AKNAD1: variants seen among roughly 807,000 people sequenced by gnomAD.
The protein encoded by AKNAD1 is AKNA domain containing 1.
Under a neutral mutation model 90.8 loss-of-function variants are expected in AKNAD1, and 67 were observed. The observed-to-expected ratio is 0.74, with a 90% CI of 0.61 to 0.90. The LOEUF (loss-of-function observed/expected upper bound fraction) is 0.90, where lower values mean the gene tolerates loss of function less well. Among genes scored for constraint, AKNAD1 ranks in the 40% least tolerant of loss-of-function variants. The pLI is 0.00. For missense variants in AKNAD1, 957 were observed against 975.4 expected, an observed-to-expected ratio of 0.98 and a Z score of 0.25; for synonymous variants, 327 against 341.4, an observed-to-expected ratio of 0.96 and a Z score of 0.46.
chr1:108,817,211 A>G, intron 14 of AKNAD1, 34 bp from the exon 15 acceptor site: 1 of 1,612,446 alleles, frequency 6.2e-7, no homozygotes, highest in Non-Finnish European at 8.5e-7. Context: ...ACTTGTGTCA[A>G]GCGCCACCCT....
At chr1:108,816,962 A>G in intron 15 of AKNAD1, 86 bp downstream of exon 15, 1 of 1,505,838 alleles carries the variant, frequency 6.6e-7, no homozygotes, top group East Asian at 2.3e-5. Context: ...CTGATACTGT[A>G]ATAACTTAAG....
intron 1 of AKNAD1, among the ~76,000 whole-genome samples, chr1:108,853,423 G>T (rs903976378): frequency 2.6e-5 from 4 of 150,970 alleles, no homozygotes; most frequent in African/African-American, 9.7e-5. Flanking sequence ...GAGCCACCGC[G>T]CCCGGCCTGA....
chr1:108,839,217 A>G (rs1664463744), intron 6 of AKNAD1, among the ~76,000 whole-genome samples: 2 of 152,172 alleles, frequency 1.3e-5, no homozygotes, highest in South Asian at 4.1e-4. Context: ...CCGGCGCGGT[A>G]GTTCACGCCT....
chr1:108,817,057 T>C lies in AKNAD1; in HGVS notation c.2370A>G (p.Ile790Met), dbSNP rs753254641. The change falls in exon 15 of 16, where the codon ATA (isoleucine) becomes ATG (methionine). Residue 790 changes from isoleucine to methionine, a missense_variant. Ile to Met is a conservative substitution (Grantham distance 10). Transcript: ENST00000370001. ...TTTTCTAAGTCCTCACCTCAGATTTTATTTCTTCAGTGCTATCAAAGTCAC... is the reference window on the plus strand; with the variant it reads ...TTTTCTAAGTCCTCACCTCAGATTTCATTTCTTCAGTGCTATCAAAGTCAC... ...SLCDFDSTEEIKSEILNSALD... is the reference protein window; with the variant it reads ...SLCDFDSTEEMKSEILNSALD... 17 of 1,614,070 alleles carry C rather than the reference T, an allele frequency of 1.1e-5. No individual in the cohort carries two copies. The highest frequency in any genetic ancestry group is 6.7e-5 in the East Asian group (3 of 44,888).
intron 6 of AKNAD1, among the ~76,000 whole-genome samples, chr1:108,839,973 A>G (rs1395493637): frequency 6.6e-6 from 1 of 151,970 alleles, no homozygotes; most frequent in Non-Finnish European, 1.5e-5. Context: ...GCAATGAGCT[A>G]TGATTGTGCC....
chr1:108,851,044 G>A (rs138144826), intron 2 of AKNAD1, among the ~76,000 whole-genome samples: 23 of 152,174 alleles, frequency 1.5e-4, no homozygotes, highest in Non-Finnish European at 2.6e-4. Context: ...AGGGCATAAC[G>A]TACGTTAAGA....
Position 108,830,591 on chromosome 1 carries a change from C to T in AKNAD1, c.1806G>A (p.Pro602=), listed in dbSNP as rs773977078. ...GGAGCCTGCGACAGAAGGCACAGCT[C>T]GGACTGGGTGCCGTCATCTCTGCAC... is the stretch of plus-strand genomic sequence containing the variant. ...QDCAEMTAPS[P]SCAFCRRLLE... The change falls in exon 10 of 16, where the codon CCG becomes CCA. Residue 602 remains proline, a synonymous_variant. Transcript: ENST00000370001. The T allele has an allele frequency of 1.3e-5, 21 of 1,613,994 alleles. No homozygotes were observed. In the South Asian group the frequency reaches 1.9e-4, roughly 14 times the overall value.
intron 6 of AKNAD1, 71 bp downstream of exon 6, chr1:108,843,063 C>A (rs1184916612): frequency 1.9e-6 from 3 of 1,565,086 alleles, no homozygotes; most frequent in East Asian, 4.5e-5. Context: ...AAGCCAGCAG[C>A]CACATCAGAA....
At position 108,834,475 on chromosome 1, in the gene AKNAD1, A is replaced by T; in HGVS notation, c.1718T>A (p.Val573Glu). The T allele has an allele frequency of 6.2e-7, 1 of 1,611,066 alleles. No homozygotes were observed. ...AGAGTTAGAAGACAGCCTCATGGCC[A>T]CTTGGTCTGGCTTGTTCTGGGCAGC... is the stretch of plus-strand genomic sequence containing the variant. ...DAAAQNKPDQ[V>E]AMRLSSNSGE... is the part of the protein sequence containing the mutation. The change falls in exon 9 of 16, where the codon GTG (valine) becomes GAG (glutamate). Residue 573 changes from valine to glutamate, a missense_variant. Transcript: ENST00000370001.
chr1:108,852,308 T>C lies in AKNAD1; in HGVS notation c.357A>G (p.Lys119=). 6.2e-7 allele frequency: 1 copy of C among 1,614,200 alleles called. No individual in the cohort carries two copies. Among genetic ancestry groups the C allele is most frequent in the Non-Finnish European group, 8.5e-7 (1 of 1,180,044 alleles). ...TGCCTTGACCTCTTAAGAATGGCTC[T>C]TTGGAAAGATGATGAAGTAAAATAT... ...ISDILLHHLS[K]EPFLRGQGID... is the part of the protein sequence containing the mutation. The change falls in exon 2 of 16, where the codon AAA becomes AAG. Residue 119 remains lysine (K), a synonymous_variant. Transcript: ENST00000370001.
intron 15 of AKNAD1, chr1:108,816,837 G>T: frequency 2.0e-6 from 1 of 501,924 alleles, no homozygotes; most frequent in Non-Finnish European, 3.4e-6. Flanking sequence ...CTTTCTCCAG[G>T]AAATTTCCCT....
intron 6 of AKNAD1, among the ~76,000 whole-genome samples, chr1:108,842,073 G>A (rs1664571202): frequency 6.6e-6 from 1 of 152,046 alleles, no homozygotes; most frequent in Admixed American, 6.6e-5. Flanking sequence ...AATAGCAGAA[G>A]CATGCAGAGT....
At chr1:108,834,329 A>T (rs1664305716) in intron 9 of AKNAD1, 118 bp downstream of exon 9, 1 of 812,364 alleles carries the variant, frequency 1.2e-6, no homozygotes, top group Non-Finnish European at 1.9e-6. Context: ...GGATGCCATT[A>T]GGAAGAGGTA....
intron 6 of AKNAD1, among the ~76,000 whole-genome samples, chr1:108,840,432 A>G (rs1439095499): frequency 6.6e-6 from 1 of 152,236 alleles, no homozygotes; most frequent in African/African-American, 2.4e-5. Flanking sequence ...ACTTACTACA[A>G]AGATTTCAGT....
Position 108,851,939 on chromosome 1 carries a change from A to C in AKNAD1, c.726T>G (p.Asn242Lys), listed in dbSNP as rs916621257. 6 of 1,614,014 alleles carry C rather than the reference A, an allele frequency of 3.7e-6. No individual in the cohort carries two copies. Among genetic ancestry groups the C allele is most frequent in the African/African-American group, 2.7e-5 (2 of 74,898 alleles). ...GGCCGTATTTGAACGTGTTGCCTGAATTTGCTTTTTCAGTCTGCTGTTTCT... is the reference window on the plus strand; with the variant it reads ...GGCCGTATTTGAACGTGTTGCCTGACTTTGCTTTTTCAGTCTGCTGTTTCT... Reference protein sequence around the residue: ...SPQKQQTEKANSGNTFKYGQG... With the variant: ...SPQKQQTEKAKSGNTFKYGQG... The change falls in exon 2 of 16, where the codon AAT becomes AAG. Residue 242 changes from asparagine to lysine, a missense_variant. Physicochemically the swap from Asn to Lys is moderately conservative, Grantham distance 94. Coordinates refer to ENST00000370001, the MANE Select transcript of AKNAD1 (RefSeq NM_152763.5).
chr1:108,823,671 T>C lies in AKNAD1; in HGVS notation c.1954A>G (p.Ser652Gly). 1 of 1,614,108 alleles carries C rather than the reference T, an allele frequency of 6.2e-7. No homozygotes were observed. Among genetic ancestry groups the C allele is most frequent in the Non-Finnish European group, 8.5e-7 (1 of 1,179,974 alleles). The change falls in exon 12 of 16, where the codon AGC becomes GGC. Residue 652 changes from serine to glycine, a missense_variant. Transcript: ENST00000370001. ...TCAGTGCCAGAATCAGAACAGAAGC[T>C]GTGTCCTGTATCAGAATCTGAAAAA... is the stretch of plus-strand genomic sequence containing the variant. ...DSTPNSDTGH[S>G]FCSDSGTEMQ...
At chr1:108,825,212 G>A (rs1663955331) in intron 11 of AKNAD1, among the ~76,000 whole-genome samples, 1 of 151,638 alleles carries the variant, frequency 6.6e-6, no homozygotes. Flanking sequence ...GAGAGACCCT[G>A]AGCCTGAACC....
intron 6 of AKNAD1, among the ~76,000 whole-genome samples, chr1:108,838,843 A>G (rs949432370): frequency 2.0e-5 from 3 of 152,126 alleles, no homozygotes; most frequent in Admixed American, 2.0e-4. Flanking sequence ...TTCACTTTTA[A>G]AAAAGTAGAA....
chr1:108,849,555 G>T lies in AKNAD1; in HGVS notation c.1015C>A (p.His339Asn). 6.3e-7 allele frequency: 1 copy of T among 1,595,244 alleles called. No homozygotes were observed. The highest frequency in any genetic ancestry group is 8.6e-7 in the Non-Finnish European group (1 of 1,162,876). The change falls in exon 3 of 16, where the codon CAC becomes AAC. Residue 339 changes from histidine (H) to asparagine (N), a missense_variant. Transcript: ENST00000370001. ...TTAGTACCTGTGAGAAGTTCTTGGT[G>T]GATATGTACTATGGGCTCCATCTGC... is the stretch of plus-strand genomic sequence containing the variant. Reference protein sequence around the residue: ...QIQMEPIVHIHQELLTGIESE... With the variant: ...QIQMEPIVHINQELLTGIESE...
Sources: allele counts gnomAD v4.1 joint callset (sites outside exome capture counted in the v4.1 genomes callset), GRCh38; gene constraint gnomAD v4.1.1; transcripts MANE v1.5; gene names NCBI Gene and HGNC (gene_info 2026-07-23, HGNC 2026-07-21).